Variants in CRHR1 observed in about 807,000 individuals in gnomAD.
CRHR1 encodes corticotropin releasing hormone receptor 1.
CRHR1 carries 28 observed loss-of-function variants against 56.0 expected under a neutral mutation model. The observed-to-expected ratio is 0.50, with a 90% CI of 0.37 to 0.69. The LOEUF is 0.69. Among genes scored for constraint, CRHR1 ranks in the 30% least tolerant of loss-of-function variants. The pLI, the probability that CRHR1 is intolerant of heterozygous loss-of-function variation, is 0.00. For missense variants in CRHR1, 376 were observed against 548.0 expected (o/e 0.69, Z 3.13); for synonymous variants, 195 against 216.5 (o/e 0.90, Z 0.87).
chr17:45,793,605 G>A (rs1197337783), intron 1 of CRHR1, among the ~76,000 whole-genome samples: 2 of 152,214 alleles, frequency 1.3e-5, no homozygotes, highest in East Asian at 1.9e-4. Flanking sequence ...GTGAGTCGGT[G>A]TGGGGGTGCA....
Position 45,798,173 on chromosome 17 carries a change from T to C in CRHR1, c.34-8837T>C, listed in dbSNP as rs948054948. 3.3e-5 allele frequency among the ~76,000 whole-genome samples: 5 copies of C among 152,194 alleles called. No individual in the cohort carries two copies. The East Asian group carries it at 7.7e-4, about 23-fold the overall frequency. ...GTTCACTTATTCATTCAGTCATTTA[T>C]TCATTCAACAAACATGTTGGGGCCT... is the stretch of plus-strand genomic sequence containing the variant. On this transcript the variant is annotated intron_variant, in intron 1 of 12. Transcript: ENST00000314537.
At chr17:45,812,605 A>G (rs570646719) in intron 2 of CRHR1, among the ~76,000 whole-genome samples, 2 of 152,294 alleles carry the variant, frequency 1.3e-5, no homozygotes, top group South Asian at 4.1e-4. Context: ...GCTGAGTGAC[A>G]CAGAAACTGA....
intron 3 of CRHR1, among the ~76,000 whole-genome samples, chr17:45,817,365 G>T (rs138059574): frequency 2.6e-5 from 4 of 152,268 alleles, no homozygotes; most frequent in African/African-American, 9.6e-5. Context: ...TGCAATTGGG[G>T]CCTCCTGTGT....
intron 3 of CRHR1, among the ~76,000 whole-genome samples, chr17:45,819,131 G>A (rs144952853): frequency 4.6e-5 from 7 of 152,166 alleles, no homozygotes; most frequent in African/African-American, 4.8e-5. Flanking sequence ...CAAGGGACAC[G>A]CTCTGAGTCT....
chr17:45,833,710 C>T lies in CRHR1; in HGVS notation c.930-4C>T. 1 of 1,609,294 alleles carries T rather than the reference C, an allele frequency of 6.2e-7. No individual in the cohort carries two copies. The highest frequency in any genetic ancestry group is 8.5e-7 in the Non-Finnish European group (1 of 1,177,928). On this transcript the variant is annotated splice_region_variant and splice_polypyrimidine_tract_variant and intron_variant, in intron 10 of 12. Coordinates refer to ENST00000314537, the MANE Select transcript of CRHR1 (RefSeq NM_004382.5). ...TCCGAGCCTCCCCACCCGCCCCACC[C>T]CAGGAAGGCTGTGAAAGCCACTCTG...
At chr17:45,823,359 A>G (rs1041647066) in intron 4 of CRHR1, among the ~76,000 whole-genome samples, 12 of 151,558 alleles carry the variant, frequency 7.9e-5, no homozygotes, top group African/African-American at 2.4e-4. Context: ...GGGCCCAGAA[A>G]AGGGGAATGA....
chr17:45,830,990 C>T, intron 8 of CRHR1, 50 bp downstream of exon 8: 1 of 1,581,028 alleles, frequency 6.3e-7, no homozygotes, highest in Non-Finnish European at 8.7e-7. Context: ...GCTCCCAGCC[C>T]AGCTTGGTGA....
At chr17:45,794,981 C>G (rs1175398262) in intron 1 of CRHR1, among the ~76,000 whole-genome samples, 3 of 152,220 alleles carry the variant, frequency 2.0e-5, no homozygotes, top group Non-Finnish European at 4.4e-5. Flanking sequence ...TCTGGGCTGC[C>G]TCATTCCTCA....
intron 2 of CRHR1, among the ~76,000 whole-genome samples, chr17:45,808,170 G>A (rs1296585228): frequency 1.1e-4 from 17 of 152,322 alleles, no homozygotes; most frequent in Admixed American, 1.0e-3. Context: ...TCTGGGCATC[G>A]AATCCACAAA....
intron 1 of CRHR1, among the ~76,000 whole-genome samples, chr17:45,800,083 C>T (rs1187413371): frequency 6.6e-6 from 1 of 152,254 alleles, no homozygotes; most frequent in Non-Finnish European, 1.5e-5. Context: ...TCCCCCTGCC[C>T]TCAGTCTGTG....
intron 3 of CRHR1, 126 bp from the exon 4 acceptor site, chr17:45,821,229 C>T: frequency 1.2e-6 from 1 of 834,242 alleles, no homozygotes; most frequent in South Asian, 1.4e-5. Flanking sequence ...CTTCACTACA[C>T]AACCCCCAGC....
intron 1 of CRHR1, among the ~76,000 whole-genome samples, chr17:45,790,876 C>A (rs911290868): frequency 2.6e-5 from 4 of 152,202 alleles, no homozygotes; most frequent in Admixed American, 2.6e-4. Context: ...CAGTGAGAAT[C>A]TTAGTTGAAC....
chr17:45,789,981 G>A (rs1321409928), intron 1 of CRHR1, among the ~76,000 whole-genome samples: 2 of 152,222 alleles, frequency 1.3e-5, no homozygotes, highest in African/African-American at 2.4e-5. Flanking sequence ...AGCTATAGTA[G>A]TCACTTAATA....
intron 2 of CRHR1, among the ~76,000 whole-genome samples, chr17:45,813,522 C>G (rs932024346): frequency 6.6e-6 from 1 of 152,214 alleles, no homozygotes. Context: ...GTGTCACCAG[C>G]GCCCCCTCTG....
At position 45,784,785 on chromosome 17, in the gene CRHR1, A is replaced by G. The variant is rs528304659; in HGVS notation, c.33+208A>G. On this transcript the variant is annotated intron_variant, in intron 1 of 12. Transcript: ENST00000314537. The surrounding 1 kb of genome is among the most constrained non-coding windows in gnomAD (Gnocchi z 4.2). Reference sequence around the variant, plus strand: ...GGGGGAGACTCAGGTGAGAAAAGAAATCGTGGCGAAGCCGCCGGGATGTTG... The same window carrying G: ...GGGGGAGACTCAGGTGAGAAAAGAAGTCGTGGCGAAGCCGCCGGGATGTTG... Among the ~76,000 whole-genome samples, 5 of 152,150 alleles carry G rather than the reference A, an allele frequency of 3.3e-5. No homozygotes were observed. The East Asian group carries it at 9.8e-4, about 30-fold the overall frequency.
chr17:45,802,928 T>G (rs937049953), intron 1 of CRHR1, among the ~76,000 whole-genome samples: 1 of 152,230 alleles, frequency 6.6e-6, no homozygotes, highest in African/African-American at 2.4e-5. Flanking sequence ...AAGTGCTTTG[T>G]GCCGAGGTGG....
At chr17:45,819,558 A>C (rs1419701014) in intron 3 of CRHR1, among the ~76,000 whole-genome samples, 2 of 151,630 alleles carry the variant, frequency 1.3e-5, no homozygotes, top group East Asian at 3.9e-4. Flanking sequence ...TGGCAGAGAC[A>C]CTGGGTTCTC....
At chr17:45,816,767 C>T (rs2061938144) in intron 3 of CRHR1, among the ~76,000 whole-genome samples, 185 bp downstream of exon 3, 1 of 152,232 alleles carries the variant, frequency 6.6e-6, no homozygotes, top group Admixed American at 6.5e-5. Flanking sequence ...TCGTGATTCT[C>T]ACAATACCCT....
intron 4 of CRHR1, 65 bp from the exon 5 acceptor site, chr17:45,829,150 G>T: frequency 7.8e-7 from 1 of 1,281,134 alleles, no homozygotes; most frequent in Non-Finnish European, 1.1e-6. Context: ...ACCCCTAGGC[G>T]ATGTCCTCAC....
Sources: gnomAD v4.1 joint callset for allele counts (sites outside exome capture counted in the v4.1 genomes callset) on GRCh38, gnomAD v4.1.1 for gene constraint, Gnocchi (gnomAD v3.1) non-coding constraint, MANE v1.5 for transcripts, NCBI Gene and HGNC (gene_info 2026-07-23, HGNC 2026-07-21) for gene names.